The following ATP2B2 variants were observed in gnomAD, a reference collection of about 807,000 sequenced individuals.
ATP2B2 encodes plasma membrane calcium-transporting ATPase 2.
A neutral mutation model predicts 120.0 loss-of-function variants in ATP2B2; 15 were observed. The observed-to-expected ratio is 0.12, with a 90% CI of 0.08 to 0.19. The LOEUF (loss-of-function observed/expected upper bound fraction) is 0.19, where lower values mean the gene tolerates loss of function less well. Among genes scored for constraint, ATP2B2 ranks in the 10% least tolerant of loss-of-function variants. ATP2B2 has a pLI of 1.00. For synonymous variants in ATP2B2, 694 were observed against 700.3 expected (o/e 0.99, Z 0.14); for missense variants, 1,045 against 1,719.8 (o/e 0.61, Z 6.94).
chr3:10,594,742 A>AT (rs2068725461), intron 2 of ATP2B2, among the ~76,000 whole-genome samples: 2 of 147,534 alleles, frequency 1.4e-5, no homozygotes, highest in Admixed American at 1.4e-4. Flanking sequence ...AATAATAATA[A>AT]AAGAAACACG....
intron 12 of ATP2B2, among the ~76,000 whole-genome samples, chr3:10,364,509 G>C (rs1182510120): frequency 6.6e-6 from 1 of 152,068 alleles, no homozygotes; most frequent in East Asian, 1.9e-4. Context: ...TTGGGAGTTT[G>C]AGACCAGTCT....
intron 1 of ATP2B2, among the ~76,000 whole-genome samples, chr3:10,476,792 G>C (rs1035512266): frequency 5.9e-5 from 9 of 152,222 alleles, no homozygotes; most frequent in Admixed American, 6.5e-5. Flanking sequence ...CCTGAGGAAG[G>C]GGGTGAAGGT....
chr3:10,510,105 G>A (rs2066730019), upstream of ATP2B2, among the ~76,000 whole-genome samples: 1 of 152,142 alleles, frequency 6.6e-6, no homozygotes, highest in Non-Finnish European at 1.5e-5. Context: ...CATCTGCAGG[G>A]CTGAGGCTGG....
At chr3:10,496,845 T>C (rs1003274) in intron 1 of ATP2B2, among the ~76,000 whole-genome samples, 37,924 of 152,212 alleles carry the variant, frequency 0.25, 5,391 homozygotes, top group African/African-American at 0.4. Context: ...CTTGAAGTGC[T>C]TGTCATGGCT....
intron 1 of ATP2B2, among the ~76,000 whole-genome samples, chr3:10,468,181 G>A (rs929915456): frequency 3.3e-5 from 5 of 152,228 alleles, no homozygotes; most frequent in Non-Finnish European, 5.9e-5. Flanking sequence ...TGTCCATGTG[G>A]GCTGTGGGAC....
chr3:10,345,571 A>G lies in ATP2B2; in HGVS notation c.2516T>C (p.Ile839Thr), dbSNP rs1485572860. The G allele has an allele frequency of 8.7e-6, 14 of 1,614,144 alleles. No homozygotes were observed. The highest frequency in any genetic ancestry group is 1.2e-5 in the Non-Finnish European group (14 of 1,179,972). Residue 839 changes from isoleucine to threonine, a missense_variant, in exon 18 of 23, where the codon ATC becomes ACC. Physicochemically the swap from Ile to Thr is moderately conservative, Grantham distance 89. Transcript: ENST00000360273. ...CTCCTTGGCCACGTCAGTGCCTGCG[A>G]TGCCCTGTGGGGACAGGGACAGGAG... ...KKADVGFAMGIAGTDVAKEAS... is the reference protein window; with the variant it reads ...KKADVGFAMGTAGTDVAKEAS...
intron 2 of ATP2B2, among the ~76,000 whole-genome samples, chr3:10,416,342 G>T (rs549017264): frequency 1.3e-5 from 2 of 152,128 alleles, no homozygotes; most frequent in Non-Finnish European, 2.9e-5. Context: ...CTAAACCTCT[G>T]CCCTGGCCAT....
At chr3:10,352,279 G>A (rs920791626) in intron 14 of ATP2B2, among the ~76,000 whole-genome samples, 9 of 152,348 alleles carry the variant, frequency 5.9e-5, no homozygotes, top group Admixed American at 5.9e-4. Context: ...CTGTGCAGAG[G>A]GCACTGCCTG....
At chr3:10,661,946 C>A (rs1230931670) in intron 1 of ATP2B2, among the ~76,000 whole-genome samples, 11 of 152,150 alleles carry the variant, frequency 7.2e-5, no homozygotes, top group Admixed American at 2.0e-4. Context: ...AATAATACCA[C>A]ACATCTACAA....
At chr3:10,389,864 T>C (rs2061793280) in intron 5 of ATP2B2, among the ~76,000 whole-genome samples, 1 of 152,198 alleles carries the variant, frequency 6.6e-6, no homozygotes. Context: ...GGAGGACAGC[T>C]GGGACCCAGT....
intron 2 of ATP2B2, among the ~76,000 whole-genome samples, chr3:10,418,630 C>T (rs913299213): frequency 3.9e-5 from 6 of 152,220 alleles, no homozygotes; most frequent in South Asian, 2.1e-4. Context: ...AGCAAAGTGA[C>T]CCCAGAGATT....
At chr3:10,594,698 C>G (rs9856075) in intron 2 of ATP2B2, among the ~76,000 whole-genome samples, 3 of 123,274 alleles carry the variant, frequency 2.4e-5, no homozygotes, top group Non-Finnish European at 5.1e-5. Flanking sequence ...CACATGTACC[C>G]TAGAACTTAA....
intron 1 of ATP2B2, among the ~76,000 whole-genome samples, chr3:10,674,438 T>C (rs2071195319): frequency 6.6e-6 from 1 of 152,242 alleles, no homozygotes; most frequent in South Asian, 2.1e-4. Context: ...GGATTCTTAC[T>C]ACTTGTAAAG....
At chr3:10,575,053 C>T (rs1421912273) in intron 2 of ATP2B2, among the ~76,000 whole-genome samples, 1 of 152,200 alleles carries the variant, frequency 6.6e-6, no homozygotes, top group African/African-American at 2.4e-5. Flanking sequence ...CCTGGTATTT[C>T]TGAATCCTTG....
intron 12 of ATP2B2, among the ~76,000 whole-genome samples, chr3:10,366,994 G>C (rs1168651222): frequency 6.6e-6 from 1 of 152,224 alleles, no homozygotes; most frequent in Non-Finnish European, 1.5e-5. Context: ...GCACAGGGTG[G>C]GGCTGGGCCC....
chr3:10,658,468 T>C (rs1421719126), intron 1 of ATP2B2, among the ~76,000 whole-genome samples: 1 of 152,236 alleles, frequency 6.6e-6, no homozygotes, highest in Non-Finnish European at 1.5e-5. Context: ...AGTAGCCGAT[T>C]TGATCAACTG....
chr3:10,517,144 C>T (rs1306408026), intron 3 of ATP2B2, among the ~76,000 whole-genome samples: 1 of 152,246 alleles, frequency 6.6e-6, no homozygotes, highest in Non-Finnish European at 1.5e-5. Context: ...GATTCACTGC[C>T]TCGGTGAAGT....
chr3:10,443,924 T>A (rs1027752035), intron 2 of ATP2B2, among the ~76,000 whole-genome samples: 2 of 152,208 alleles, frequency 1.3e-5, no homozygotes, highest in East Asian at 1.9e-4. Context: ...AGACTAAGTA[T>A]CTTGCCTGAG....
chr3:10,546,961 C>A (rs761620350), intron 2 of ATP2B2, among the ~76,000 whole-genome samples: 1 of 152,184 alleles, frequency 6.6e-6, no homozygotes, highest in African/African-American at 2.4e-5. Context: ...CAAAAATAGA[C>A]CCCAAGGCTC....
Sources: gnomAD v4.1 joint callset for allele counts (sites outside exome capture counted in the v4.1 genomes callset) on GRCh38, gnomAD v4.1.1 for gene constraint, MANE v1.5 for transcripts, NCBI Gene and HGNC (gene_info 2026-07-23, HGNC 2026-07-21) for gene names.